The following GPANK1 variants were observed in gnomAD, a reference collection of about 807,000 sequenced individuals.
The protein encoded by GPANK1 is G patch domain and ankyrin repeat-containing protein 1.
Under a neutral mutation model 24.0 loss-of-function variants are expected in GPANK1, and 22 were observed. The ratio of observed to expected loss-of-function variants is 0.92; its 90% CI spans 0.66 to 1.31. The LOEUF (loss-of-function observed/expected upper bound fraction) is 1.31, where lower values mean the gene tolerates loss of function less well. Ranked by LOEUF, GPANK1 falls within the 50% of genes most tolerant of loss-of-function variation. GPANK1 has a pLI of 0.00. For synonymous variants in GPANK1, 174 were observed against 177.4 expected, an observed-to-expected ratio of 0.98 and a Z score of 0.15; for missense variants, 469 against 453.5, an observed-to-expected ratio of 1.03 and a Z score of -0.31.
At position 31,662,796 on chromosome 6, in the gene GPANK1, T is replaced by A; in HGVS notation, c.627-86A>T. Reference sequence around the variant, plus strand: ...CTCAGAGGGGGCTGGCAGGGTAGAATAGGATCTTTTCAGCTTTTCTGCTAA... The same window carrying A: ...CTCAGAGGGGGCTGGCAGGGTAGAAAAGGATCTTTTCAGCTTTTCTGCTAA... On this transcript the variant is annotated intron_variant, in intron 2 of 2. Coordinates refer to ENST00000375896, the MANE Select transcript of GPANK1 (RefSeq NM_033177.4). This position sits in a 1 kb window ranked among gnomAD's most constrained non-coding sequence, Gnocchi z 5.5. 1.2e-6 allele frequency: 1 copy of A among 823,116 alleles called. No homozygotes were observed. The highest frequency in any genetic ancestry group is 1.9e-6 in the Non-Finnish European group (1 of 525,764). 51.0% of individuals were successfully genotyped at this position (823,116 alleles called of 1,614,324 possible).
upstream of GPANK1, chr6:31,665,437 C>T: frequency 2.6e-6 from 4 of 1,563,798 alleles, no homozygotes; most frequent in Non-Finnish European, 3.5e-6. Flanking sequence ...ACACTTAGAG[C>T]CTAAGGGGAA....
intron 2 of GPANK1, 53 bp downstream of exon 2, chr6:31,663,800 T>C: frequency 6.6e-7 from 1 of 1,521,802 alleles, no homozygotes; most frequent in Non-Finnish European, 8.8e-7. Context: ...GTGGTGTGGC[T>C]GGGAGAGGCA....
chr6:31,665,079 C>A (rs1801462099), upstream of GPANK1: 1 of 336,274 alleles, frequency 3.0e-6, no homozygotes. Flanking sequence ...ACAACAAAAA[C>A]CACAACCCAC....
chr6:31,664,527 A>G lies in GPANK1; in HGVS notation c.-49T>C, dbSNP rs1801375932. 1 of 1,475,010 alleles carries G rather than the reference A, an allele frequency of 6.8e-7. No individual in the cohort carries two copies. Among genetic ancestry groups the G allele is most frequent in the Non-Finnish European group, 9.3e-7 (1 of 1,073,238 alleles). 91.4% of individuals were successfully genotyped at this position (1,475,010 alleles called of 1,614,324 possible). On this transcript the variant is annotated 5_prime_UTR_variant, in exon 2 of 3. Coordinates refer to ENST00000375896, the MANE Select transcript of GPANK1 (RefSeq NM_033177.4). ...TGATACCAGGCAAGGGAAGGATGAG[A>G]CAAGTAAGCCAAGCTCGTGGTGACC...
At position 31,661,700 on chromosome 6, in the gene GPANK1, CA is replaced by C. The variant is rs367804690; in HGVS notation, c.*565del. ...GGGCAATGAGAGCGAAACTGCATCT[CA>C]AAAAAAAAAGAAAAAAATTGATAAC... On this transcript the variant is annotated 3_prime_UTR_variant, in exon 3 of 3. Transcript: ENST00000375896. The C allele has an allele frequency of 2.7e-3, 422 of 157,726 alleles. No homozygotes were observed. The highest frequency in any genetic ancestry group is 0.015 in the South Asian group (114 of 7,356). 9.8% of individuals were successfully genotyped at this position (157,726 alleles called of 1,614,324 possible).
Position 31,662,836 on chromosome 6 carries a change from G to A in GPANK1, c.627-126C>T. The stretch of plus-strand genomic sequence containing the variant: ...TTTTCTGCTAAGGAACAAATTGCCA[G>A]CTAGGCATAGTGGCTCACGCCTGTA... On this transcript the variant is annotated intron_variant, in intron 2 of 2. Transcript: ENST00000375896. The surrounding 1 kb of genome is among the most constrained non-coding windows in gnomAD (Gnocchi z 5.5). The A allele has an allele frequency of 1.7e-6, 1 of 605,646 alleles. No homozygotes were observed. 37.5% of individuals were successfully genotyped at this position (605,646 alleles called of 1,614,324 possible). A position where few individuals can be genotyped will look rare whatever the true frequency, so the allele number is the denominator to read the frequency against.
rs1801058687 is a variant in GPANK1 at position 31,662,766 on chromosome 6, G to C, written c.627-56C>G. The stretch of plus-strand genomic sequence containing the variant: ...CAGGGGAAGGAAAAGGGGAAGAGTT[G>C]AGGCCTCAGAGGGGGCTGGCAGGGT... On this transcript the variant is annotated intron_variant, in intron 2 of 2. Transcript: ENST00000375896. This position sits in a 1 kb window ranked among gnomAD's most constrained non-coding sequence, Gnocchi z 5.5. 1.8e-6 allele frequency: 2 copies of C among 1,108,966 alleles called. No homozygotes were observed. Among genetic ancestry groups the C allele is most frequent in the African/African-American group, 3.1e-5 (2 of 63,774 alleles). 68.7% of individuals were successfully genotyped at this position (1,108,966 alleles called of 1,614,324 possible).
chr6:31,664,317 A>T lies in GPANK1; in HGVS notation c.162T>A (p.Ala54=). The change falls in exon 2 of 3, where the codon GCT becomes GCA. Residue 54 remains alanine, a synonymous_variant. Transcript: ENST00000375896. Reference sequence around the variant, plus strand: ...CAGTCTGAGATCTCTGGGAGTCAGGAGCGCTGCTCTCATCCCCAATCAGGG... The same window carrying T: ...CAGTCTGAGATCTCTGGGAGTCAGGTGCGCTGCTCTCATCCCCAATCAGGG... ...YEALIGDESS[A]PDSQRSQTEP... 1.2e-6 allele frequency: 2 copies of T among 1,614,056 alleles called. No individual in the cohort carries two copies. The highest frequency in any genetic ancestry group is 1.7e-6 in the Non-Finnish European group (2 of 1,180,002).
rs1204459796 is a variant in GPANK1, at chr6:31,662,651, T to C, written c.686A>G (p.Asn229Ser). 4.3e-6 allele frequency: 7 copies of C among 1,611,496 alleles called. No homozygotes were observed. The South Asian group carries it at 7.7e-5, about 18-fold the overall frequency. ...ENCDTHFQDS[N>S]HRTSTAHLLS... ...CAGGTGAGCAGTGGATGTGCGGTGG[T>C]TGGAATCTTGGAAGTGGGTGTCACA... is the stretch of plus-strand genomic sequence containing the variant. The change falls in exon 3 of 3, where the codon AAC becomes AGC. Residue 229 changes from asparagine to serine, a missense_variant. Physicochemically the swap from Asn to Ser is conservative, Grantham distance 46. Coordinates refer to ENST00000375896, the MANE Select transcript of GPANK1 (RefSeq NM_033177.4). This position sits in a 1 kb window ranked among gnomAD's most constrained non-coding sequence, Gnocchi z 5.5.
At position 31,662,378 on chromosome 6, in the gene GPANK1, C is replaced by T. The variant is rs964196217; in HGVS notation, c.959G>A (p.Arg320Lys). ...TGTGGCCACCCGAGGGGGTCTCTCC[C>T]TCCCAGCCACAGCTCGGGTATCCCA... Reference protein sequence around the residue: ...PAWDTRAVAGRERPPRVATLS... With the variant: ...PAWDTRAVAGKERPPRVATLS... The change falls in exon 3 of 3, where the codon AGG becomes AAG. Residue 320 changes from arginine (R) to lysine (K), a missense_variant. Transcript: ENST00000375896. The surrounding 1 kb of genome is among the most constrained non-coding windows in gnomAD (Gnocchi z 5.5). 3 of 1,612,620 alleles carry T rather than the reference C, an allele frequency of 1.9e-6. No individual in the cohort carries two copies. Among genetic ancestry groups the T allele is most frequent in the Non-Finnish European group, 2.5e-6 (3 of 1,179,806 alleles).
upstream of GPANK1, chr6:31,665,066 A>G (rs1363700131): frequency 6.4e-6 from 2 of 314,894 alleles, no homozygotes; most frequent in South Asian, 3.8e-5. Context: ...CGTGGCGACA[A>G]CAACAACAAA....
upstream of GPANK1, chr6:31,665,192 G>A (rs939961773): frequency 2.4e-5 from 12 of 499,248 alleles, no homozygotes; most frequent in Admixed American, 6.4e-5. Context: ...CAGGTGGCGC[G>A]AGCACTAGGA....
upstream of GPANK1, chr6:31,666,233 C>T (rs1248557177): frequency 8.2e-6 from 8 of 980,180 alleles, no homozygotes; most frequent in Non-Finnish European, 9.7e-6. Flanking sequence ...GTCGCTGCTC[C>T]GAGTCCCTTG....
chr6:31,662,642 G>C lies in GPANK1; in HGVS notation c.695C>G (p.Thr232Arg). ...CAGTGACAGCAGGTGAGCAGTGGAT[G>C]TGCGGTGGTTGGAATCTTGGAAGTG... ...DTHFQDSNHRTSTAHLLSLSQ... is the reference protein window; with the variant it reads ...DTHFQDSNHRRSTAHLLSLSQ... Residue 232 changes from threonine (T) to arginine (R), a missense_variant, in exon 3 of 3, where the codon ACA becomes AGA. Coordinates refer to ENST00000375896, the MANE Select transcript of GPANK1 (RefSeq NM_033177.4). This position sits in a 1 kb window ranked among gnomAD's most constrained non-coding sequence, Gnocchi z 5.5. 6.2e-7 allele frequency: 1 copy of C among 1,612,624 alleles called. No homozygotes were observed. Among genetic ancestry groups the C allele is most frequent in the Non-Finnish European group, 8.5e-7 (1 of 1,179,644 alleles).
chr6:31,662,946 G>GC lies in GPANK1; in HGVS notation c.627-237dup, dbSNP rs1159698579. Among the ~76,000 whole-genome samples, 10 of 138,146 alleles carry GC rather than the reference G, an allele frequency of 7.2e-5. No homozygotes were observed. Among genetic ancestry groups the GC allele is most frequent in the African/African-American group, 2.6e-4 (9 of 34,356 alleles). 90.6% of individuals were successfully genotyped at this position (138,146 alleles called of 152,430 possible). On this transcript the variant is annotated intron_variant, in intron 2 of 2. Transcript: ENST00000375896. The surrounding 1 kb of genome is among the most constrained non-coding windows in gnomAD (Gnocchi z 5.5). Reference sequence around the variant, plus strand: ...CAGCCTGGGCAAAATGGCAACGCCTGCTTTTTTTTTTTTTTTTTTTGAGAT... The same window carrying GC: ...CAGCCTGGGCAAAATGGCAACGCCTGCCTTTTTTTTTTTTTTTTTTTGAGAT...
Position 31,664,452 on chromosome 6 carries a change from GAAGGTGATGAGC to G in GPANK1, c.15_26del (p.Leu5_Thr8del). On this transcript the variant is annotated inframe_deletion, in exon 2 of 3. Transcript: ENST00000375896. ...GGTCGCTGGGGTCAGTGGCTGGGGT[GAAGGTGATGAGC>G]AAGGGCCGGGACATGGCTTTTGGGA... 1 of 1,613,684 alleles carries G rather than the reference GAAGGTGATGAGC, an allele frequency of 6.2e-7. No individual in the cohort carries two copies. The highest frequency in any genetic ancestry group is 1.1e-5 in the South Asian group (1 of 91,070).
Position 31,664,219 on chromosome 6 carries a change from C to T in GPANK1, c.260G>A (p.Gly87Glu), listed in dbSNP as rs1241529312. 2 of 1,614,124 alleles carry T rather than the reference C, an allele frequency of 1.2e-6. No individual in the cohort carries two copies. The highest frequency in any genetic ancestry group is 2.2e-5 in the East Asian group (1 of 44,884). Residue 87 changes from glycine to glutamate, a missense_variant, in exon 2 of 3, where the codon GGA (glycine) becomes GAA (glutamate). By Grantham distance (98) the Gly-to-Glu change is moderately conservative. Coordinates refer to ENST00000375896, the MANE Select transcript of GPANK1 (RefSeq NM_033177.4). Reference protein sequence around the residue: ...KAPAAEAVAEGASGRHGQGRS... With the variant: ...KAPAAEAVAEEASGRHGQGRS... ...CCCTTGTCCATGTCTTCCTGATGCTCCTTCTGCCACTGCTTCTGCTGCTGG... is the reference window on the plus strand; with the variant it reads ...CCCTTGTCCATGTCTTCCTGATGCTTCTTCTGCCACTGCTTCTGCTGCTGG...
chr6:31,663,617 T>C (rs1388231214), intron 2 of GPANK1, among the ~76,000 whole-genome samples: 2 of 152,232 alleles, frequency 1.3e-5, no homozygotes, highest in East Asian at 3.8e-4. Flanking sequence ...ACTACCCCCA[T>C]TTCTAAGATG....
chr6:31,665,322 A>G (rs1293528555), upstream of GPANK1: 1 of 889,930 alleles, frequency 1.1e-6, no homozygotes, highest in Non-Finnish European at 1.8e-6. Context: ...GGGTTAGGAA[A>G]GGCCCTCAGG....
Sources: allele counts gnomAD v4.1 joint callset (sites outside exome capture counted in the v4.1 genomes callset), GRCh38; gene constraint gnomAD v4.1.1; non-coding constraint Gnocchi (gnomAD v3.1); transcripts MANE v1.5; gene names NCBI Gene and HGNC (gene_info 2026-07-23, HGNC 2026-07-21).